HGS: variants seen among roughly 807,000 people sequenced by gnomAD.
HGS encodes hepatocyte growth factor-regulated tyrosine kinase substrate.
In HGS, 63 loss-of-function variants were observed where a neutral mutation model predicts 109.7. That is an observed-to-expected ratio of 0.57 (90% CI 0.47 to 0.71). The LOEUF (loss-of-function observed/expected upper bound fraction) is 0.71, where lower values mean the gene tolerates loss of function less well. Among genes scored for constraint, HGS ranks in the 30% least tolerant of loss-of-function variants. HGS has a pLI of 0.00. For missense variants in HGS, 995 were observed against 1,068.3 expected (o/e 0.93, Z 0.96); for synonymous variants, 546 against 437.3 (o/e 1.25, Z -3.10).
chr17:81,700,759 T>C lies in HGS; in HGVS notation c.2081T>C (p.Met694Thr). Residue 694 changes from methionine (M) to threonine (T), a missense_variant, in exon 20 of 22, where the codon ATG becomes ACG. This residue lies in a region of HGS where 326 missense variants were observed against 309.7 expected (regional missense o/e 1.05). Coordinates refer to ENST00000329138, the MANE Select transcript of HGS (RefSeq NM_004712.5). ...AISQPPQSST[M>T]GYMGSQSVSM... ...TCTCAGCCTCCGCAGTCCAGCACCA[T>C]GGGCTACATGGGGAGCCAGTCAGTC... 6.2e-7 allele frequency: 1 copy of C among 1,608,686 alleles called. No individual in the cohort carries two copies. Among genetic ancestry groups the C allele is most frequent in the African/African-American group, 1.3e-5 (1 of 74,740 alleles).
intron 4 of HGS, among the ~76,000 whole-genome samples, chr17:81,688,241 G>A (rs181984361): frequency 1.6e-4 from 25 of 152,284 alleles, no homozygotes; most frequent in African/African-American, 5.8e-4. Flanking sequence ...GGGGTCTGGA[G>A]CCCGCTCTGA....
chr17:81,693,114 C>G, intron 8 of HGS: 1 of 209,194 alleles, frequency 4.8e-6, no homozygotes, highest in Admixed American at 5.8e-5. Flanking sequence ...CTGGGGCGCC[C>G]CGGAAGAGCT....
intron 5 of HGS, among the ~76,000 whole-genome samples, chr17:81,689,565 CCT>C (rs1421174718): frequency 6.6e-6 from 1 of 152,056 alleles, no homozygotes; most frequent in African/African-American, 2.4e-5. Flanking sequence ...TCTCTGTGGC[CCT>C]GAGTCTGCTG....
At chr17:81,697,328 G>A (rs1352741790) in intron 18 of HGS, 5 of 167,308 alleles carry the variant, frequency 3.0e-5, no homozygotes, top group South Asian at 2.2e-4. Context: ...TAAACAGCAC[G>A]CCCCCTGCTG....
At chr17:81,695,616 C>A in intron 14 of HGS, 170 bp from the exon 15 acceptor site, 1 of 650,108 alleles carries the variant, frequency 1.5e-6, no homozygotes, top group Non-Finnish European at 2.7e-6. Flanking sequence ...TGGACAAGGA[C>A]CCCGCCTCCA....
At position 81,700,801 on chromosome 17, in the gene HGS, C is replaced by T. The variant is rs1167659106; in HGVS notation, c.2123C>T (p.Pro708Leu). The change falls in exon 20 of 22, where the codon CCT becomes CTT. Residue 708 changes from proline to leucine, a missense_variant. This residue lies in a region of HGS where 326 missense variants were observed against 309.7 expected (regional missense o/e 1.05). Coordinates refer to ENST00000329138, the MANE Select transcript of HGS (RefSeq NM_004712.5). ...GSQSVSMGYQ[P>L]YNMQNLMTTL... ...CAGTCAGTCTCCATGGGCTACCAGC[C>T]TTACAACATGCAGGTACAGTGACCT... is the stretch of plus-strand genomic sequence containing the variant. The T allele has an allele frequency of 1.2e-6, 2 of 1,612,180 alleles. No homozygotes were observed. Among genetic ancestry groups the T allele is most frequent in the Non-Finnish European group, 8.5e-7 (1 of 1,179,580 alleles).
At position 81,700,591 on chromosome 17, in the gene HGS, G is replaced by C. The variant is rs749253587; in HGVS notation, c.2007G>C (p.Ala669=). 6.2e-7 allele frequency: 1 copy of C among 1,605,420 alleles called. No individual in the cohort carries two copies. Among genetic ancestry groups the C allele is most frequent in the Non-Finnish European group, 8.5e-7 (1 of 1,175,156 alleles). ...AYSSYQPTPT[A]GYQNVASQAP... ...CATCCTACCAGCCTACTCCCACAGC[G>C]GGCTACCAGGTACACAGGAAGGCCG... The change falls in exon 19 of 22, where the codon GCG becomes GCC. Residue 669 remains alanine (A), a synonymous_variant. Coordinates refer to ENST00000329138, the MANE Select transcript of HGS (RefSeq NM_004712.5).
At position 81,691,581 on chromosome 17, in the gene HGS, C is replaced by T. The variant is rs371152039; in HGVS notation, c.662+10C>T. 259 of 1,613,706 alleles carry T rather than the reference C, an allele frequency of 1.6e-4. No homozygotes were observed. Among genetic ancestry groups the T allele is most frequent in the Non-Finnish European group, 1.9e-4 (227 of 1,179,878 alleles). ...ACGAGCAGCTGAACAGGTGAGTCCC[C>T]GCCCCCCATTTGGGCTGCAGGTGGG... is the stretch of plus-strand genomic sequence containing the variant. On this transcript the variant is annotated intron_variant, in intron 8 of 21. Transcript: ENST00000329138. The surrounding 1 kb of genome is among the most constrained non-coding windows in gnomAD (Gnocchi z 5.3).
In HGS at chr17:81,693,739, A is replaced by T; in HGVS notation, c.827A>T (p.Glu276Val). 6.4e-7 allele frequency: 1 copy of T among 1,554,454 alleles called. No individual in the cohort carries two copies. Among genetic ancestry groups the T allele is most frequent in the Non-Finnish European group, 8.7e-7 (1 of 1,151,050 alleles). Residue 276 changes from glutamate (E) to valine (V), a missense_variant, in exon 10 of 22, where the codon GAG becomes GTG. Coordinates refer to ENST00000329138, the MANE Select transcript of HGS (RefSeq NM_004712.5). ...ALALSQSEAE[E>V]KERLRQKSTY... ...GCGCTGTCACAGTCAGAGGCGGAGG[A>T]GAAGGAGAGGCTGGTAAGCCGGGTG...
chr17:81,687,062 G>A lies in HGS; in HGVS notation c.258G>A (p.Lys86=). 3 of 1,613,430 alleles carry A rather than the reference G, an allele frequency of 1.9e-6. No homozygotes were observed. The highest frequency in any genetic ancestry group is 2.5e-6 in the Non-Finnish European group (3 of 1,179,922). Residue 86 remains lysine (K), a synonymous_variant, in exon 4 of 22, where the codon AAG becomes AAA. Coordinates refer to ENST00000329138, the MANE Select transcript of HGS (RefSeq NM_004712.5). ...GQTVHDEVAN[K]QTMEELKDLL... The stretch of plus-strand genomic sequence containing the variant: ...CAGTTCATGATGAGGTGGCCAACAA[G>A]CAGACCATGGAGGAGCTGAAGGACC...
rs111956772 is a variant in HGS, at chr17:81,686,994, C to T, written c.199-9C>T. 14,069 of 1,610,716 alleles carry T rather than the reference C, an allele frequency of 8.7e-3. 90 individuals carry two copies. Among genetic ancestry groups the T allele is most frequent in the Non-Finnish European group, 0.011 (13,045 of 1,178,198 alleles). On this transcript the variant is annotated splice_polypyrimidine_tract_variant and intron_variant, in intron 3 of 21. Transcript: ENST00000329138. ...CTGGCCCAACCCTTCCCTTCCTGGG[C>T]ATCTGCAGGTCATGGAATCTGTGGT...
At position 81,701,694 on chromosome 17, in the gene HGS, C is replaced by G. The variant is rs533955216; in HGVS notation, c.*76C>G. On this transcript the variant is annotated 3_prime_UTR_variant, in exon 22 of 22. Coordinates refer to ENST00000329138, the MANE Select transcript of HGS (RefSeq NM_004712.5). ...CGCCTCGTCTCTAACTGCCGTCGTC[C>G]TGCCTCCCTGTCCTCTACTGCCGGT... 2.8e-5 allele frequency: 42 copies of G among 1,497,846 alleles called. No homozygotes were observed. The highest frequency in any genetic ancestry group is 1.7e-4 in the Middle Eastern group (1 of 5,824). 92.8% of individuals were successfully genotyped at this position (1,497,846 alleles called of 1,614,324 possible). A position where few individuals can be genotyped will look rare whatever the true frequency, so the allele number is the denominator to read the frequency against.
Position 81,688,686 on chromosome 17 carries a change from C to G in HGS, c.292-18C>G, listed in dbSNP as rs1027272769. The G allele has an allele frequency of 2.5e-6, 4 of 1,612,944 alleles. No individual in the cohort carries two copies. Among genetic ancestry groups the G allele is most frequent in the African/African-American group, 2.7e-5 (2 of 74,894 alleles). On this transcript the variant is annotated intron_variant, in intron 4 of 21. Transcript: ENST00000329138. The stretch of plus-strand genomic sequence containing the variant: ...CTGGAGTGTCCTGCGACCCTCACCC[C>G]CTTCTCCCTGCCTGCAGAGACAAGT...
chr17:81,701,483 C>T, intron 21 of HGS, 25 bp from the exon 22 acceptor site: 1 of 1,535,658 alleles, frequency 6.5e-7, no homozygotes, highest in Non-Finnish European at 8.7e-7. Flanking sequence ...AGGACCAGGG[C>T]CATGCCTGCT....
chr17:81,686,285 C>G (rs1238450588), intron 2 of HGS, 27 bp from the exon 3 acceptor site: 1 of 1,596,682 alleles, frequency 6.3e-7, no homozygotes, highest in Non-Finnish European at 8.6e-7. Flanking sequence ...CCGTTTTTCT[C>G]TGCTTTTATC....
intron 1 of HGS, 151 bp from the exon 2 acceptor site, chr17:81,685,454 G>T (rs2036963710): frequency 1.8e-6 from 1 of 550,196 alleles, no homozygotes; most frequent in Non-Finnish European, 3.2e-6. Flanking sequence ...CTGCCCATCA[G>T]CACGCTCAGG....
rs62077181 is a variant in HGS at position 81,690,241 on chromosome 17, G to T, written c.468+7G>T. 0.015 allele frequency: 23,755 copies of T among 1,613,674 alleles called. 367 individuals are homozygous for T. The highest frequency in any genetic ancestry group is 0.073 in the African/African-American group (5,454 of 75,000). On this transcript the variant is annotated splice_region_variant and intron_variant, in intron 6 of 21. Coordinates refer to ENST00000329138, the MANE Select transcript of HGS (RefSeq NM_004712.5). ...CATGTTTGCTGCCGAGAGAGTGAGT[G>T]TGGGCGGCCGCCAGGGGTTCTGGAG...
rs2037229579 is a variant in HGS, at chr17:81,701,034, T to G, written c.2137-11T>G. 6.2e-7 allele frequency: 1 copy of G among 1,612,270 alleles called. No homozygotes were observed. Among genetic ancestry groups the G allele is most frequent in the African/African-American group, 1.3e-5 (1 of 74,864 alleles). On this transcript the variant is annotated splice_polypyrimidine_tract_variant and intron_variant, in intron 20 of 21. Coordinates refer to ENST00000329138, the MANE Select transcript of HGS (RefSeq NM_004712.5). ...GGCTACTCTCTCACATCTGACGTCT[T>G]CTCACAACAGAATCTCATGACCACC... is the stretch of plus-strand genomic sequence containing the variant.
At chr17:81,689,037 G>C (rs1032138577) in intron 5 of HGS, among the ~76,000 whole-genome samples, 6 of 152,368 alleles carry the variant, frequency 3.9e-5, no homozygotes, top group African/African-American at 1.4e-4. Flanking sequence ...CCACGGGCAG[G>C]GGCAGGCAGT....
Sources: gnomAD v4.1 joint callset for allele counts (sites outside exome capture counted in the v4.1 genomes callset) on GRCh38, gnomAD v4.1.1 for gene constraint, gnomAD v4.1.1 regional missense constraint, Gnocchi (gnomAD v3.1) non-coding constraint, MANE v1.5 for transcripts, NCBI Gene and HGNC (gene_info 2026-07-23, HGNC 2026-07-21) for gene names.